The following NAALADL2 variants were observed in gnomAD, a reference collection of about 807,000 sequenced individuals.
NAALADL2 encodes N-acetylated alpha-linked acidic dipeptidase like 2, also known as inactive N-acetylated-alpha-linked acidic dipeptidase-like protein 2.
NAALADL2 carries 76 observed loss-of-function variants against 87.2 expected under a neutral mutation model. The observed-to-expected ratio is 0.87, with a 90% CI of 0.72 to 1.05. The LOEUF (loss-of-function observed/expected upper bound fraction) is 1.05, where lower values mean the gene tolerates loss of function less well. Among genes scored for constraint, NAALADL2 ranks in the 50% least tolerant of loss-of-function variants. NAALADL2 has a pLI of 0.00. For missense variants in NAALADL2, 1,089 were observed against 945.8 expected (o/e 1.15, Z -1.99); for synonymous variants, 354 against 331.0 (o/e 1.07, Z -0.75).
At chr3:175,797,021 T>G (rs1232971822) in intron 13 of NAALADL2, among the ~76,000 whole-genome samples, 1 of 152,124 alleles carries the variant, frequency 6.6e-6, no homozygotes. Flanking sequence ...TTTCATCTCC[T>G]TCACTGATAC....
At chr3:175,261,567 T>G (rs919640960) in intron 4 of NAALADL2, among the ~76,000 whole-genome samples, 1 of 152,118 alleles carries the variant, frequency 6.6e-6, no homozygotes, top group Admixed American at 6.5e-5. Context: ...CCAAAAACTC[T>G]ATTGCTTTTT....
At chr3:175,491,683 G>A (rs1290210995) in intron 9 of NAALADL2, among the ~76,000 whole-genome samples, 2 of 152,114 alleles carry the variant, frequency 1.3e-5, no homozygotes, top group East Asian at 3.9e-4. Flanking sequence ...ATATCCTTAT[G>A]GAACAAGACT....
intron 3 of NAALADL2, among the ~76,000 whole-genome samples, chr3:174,852,218 C>A (rs558911221): frequency 1.3e-5 from 2 of 151,998 alleles, no homozygotes; most frequent in African/African-American, 4.8e-5. Flanking sequence ...GAAGTCCTTG[C>A]CAGAACAATT....
intron 3 of NAALADL2, among the ~76,000 whole-genome samples, chr3:174,816,700 T>C (rs1313559997): frequency 6.6e-6 from 1 of 152,088 alleles, no homozygotes; most frequent in Non-Finnish European, 1.5e-5. Context: ...TCCAGGTATA[T>C]TGGATTCCCA....
At chr3:174,884,979 G>A (rs1729896425) in intron 1 of NAALADL2, among the ~76,000 whole-genome samples, 1 of 152,136 alleles carries the variant, frequency 6.6e-6, no homozygotes, top group Admixed American at 6.5e-5. Flanking sequence ...AGGCAGCACA[G>A]TGTTTATCTC....
intron 4 of NAALADL2, among the ~76,000 whole-genome samples, chr3:175,315,134 T>C (rs998599481): frequency 2.0e-5 from 3 of 152,146 alleles, no homozygotes; most frequent in South Asian, 2.1e-4. Context: ...TTGATGGGAG[T>C]TGACTGACCT....
intron 5 of NAALADL2, among the ~76,000 whole-genome samples, chr3:175,428,121 C>A (rs1717128244): frequency 6.6e-6 from 1 of 152,036 alleles, no homozygotes; most frequent in Non-Finnish European, 1.5e-5. Context: ...TCATTTCTAG[C>A]AACCCCCAAA....
chr3:175,495,648 C>T (rs536375415), intron 9 of NAALADL2, among the ~76,000 whole-genome samples: 12 of 152,226 alleles, frequency 7.9e-5, no homozygotes, highest in African/African-American at 2.4e-4. Context: ...CCTCTGCACA[C>T]ACTTTATCGT....
At chr3:175,721,120 G>A (rs1353051553) in intron 11 of NAALADL2, among the ~76,000 whole-genome samples, 1 of 151,944 alleles carries the variant, frequency 6.6e-6, no homozygotes, top group Non-Finnish European at 1.5e-5. Flanking sequence ...TGAGCATCTT[G>A]CGTAGTTCAT....
intron 9 of NAALADL2, among the ~76,000 whole-genome samples, chr3:175,545,045 AAAC>A (rs1713060028): frequency 6.6e-6 from 1 of 152,200 alleles, no homozygotes. Flanking sequence ...TTTGTATGAC[AAAC>A]AACAAAATTC....
chr3:174,444,827 G>A (rs746460887), intron 1 of NAALADL2, among the ~76,000 whole-genome samples: 8 of 152,086 alleles, frequency 5.3e-5, no homozygotes, highest in Non-Finnish European at 8.8e-5. Context: ...TTTCAGATTG[G>A]ATTTTGAAAA....
At chr3:175,768,016 T>G (rs753075330) in intron 13 of NAALADL2, among the ~76,000 whole-genome samples, 23 of 152,224 alleles carry the variant, frequency 1.5e-4, no homozygotes, top group Non-Finnish European at 2.5e-4. Flanking sequence ...TTCTTGGTCC[T>G]TTATGCCATT....
intron 3 of NAALADL2, among the ~76,000 whole-genome samples, chr3:174,833,827 C>T (rs1229330278): frequency 4.0e-5 from 6 of 149,488 alleles, no homozygotes; most frequent in Non-Finnish European, 7.4e-5. Context: ...AACAGAAGAG[C>T]AAAAGAGATT....
chr3:175,647,038 TC>T (rs1197021689), intron 11 of NAALADL2, among the ~76,000 whole-genome samples: 1 of 152,076 alleles, frequency 6.6e-6, no homozygotes. Context: ...CTTTACCAGA[TC>T]CAAGGCAGAG....
chr3:175,641,471 G>C (rs1425122251), intron 11 of NAALADL2, among the ~76,000 whole-genome samples: 1 of 152,162 alleles, frequency 6.6e-6, no homozygotes, highest in Non-Finnish European at 1.5e-5. Context: ...TATCTTCAGA[G>C]GCTGGGTCAT....
At chr3:175,458,477 G>A (rs996422137) in intron 6 of NAALADL2, among the ~76,000 whole-genome samples, 9 of 87,930 alleles carry the variant, frequency 1.0e-4, no homozygotes, top group African/African-American at 2.7e-4. Context: ...ATGTTCTCAT[G>A]GTTTTATATA....
chr3:174,949,204 A>G (rs1348063415), intron 1 of NAALADL2, among the ~76,000 whole-genome samples: 4 of 152,184 alleles, frequency 2.6e-5, no homozygotes, highest in East Asian at 1.9e-4. Flanking sequence ...TTTGGGGGAA[A>G]CATAAACATT....
intron 2 of NAALADL2, among the ~76,000 whole-genome samples, chr3:174,701,926 T>G (rs1230004171): frequency 1.3e-5 from 2 of 152,212 alleles, no homozygotes; most frequent in African/African-American, 2.4e-5. Flanking sequence ...TGTATAGACA[T>G]GTATGTTTAT....
chr3:175,137,092 A>T (rs544436108), intron 2 of NAALADL2, among the ~76,000 whole-genome samples: 1 of 152,300 alleles, frequency 6.6e-6, no homozygotes. Context: ...TCTGTATTAT[A>T]AAATTTTGTA....
Sources: allele counts gnomAD v4.1 joint callset (sites outside exome capture counted in the v4.1 genomes callset), GRCh38; gene constraint gnomAD v4.1.1; transcripts MANE v1.5; gene names NCBI Gene and HGNC (gene_info 2026-07-23, HGNC 2026-07-21).